The following FANK1 variants were observed in gnomAD, a reference collection of about 807,000 sequenced individuals.
FANK1 encodes the protein fibronectin type 3 and ankyrin repeat domains protein 1.
A neutral mutation model predicts 45.3 loss-of-function variants in FANK1; 44 were observed. That is an observed-to-expected ratio of 0.97 (90% CI 0.76 to 1.25). The LOEUF (loss-of-function observed/expected upper bound fraction) is 1.25. FANK1 is among the 50% of genes most tolerant of loss of function. FANK1 has a pLI of 0.00. For synonymous variants in FANK1, 149 were observed against 152.5 expected (o/e 0.98, Z 0.17); for missense variants, 391 against 424.4 (o/e 0.92, Z 0.69).
At chr10:125,963,677 G>C (rs999690051) in intron 1 of FANK1, among the ~76,000 whole-genome samples, 19 of 152,114 alleles carry the variant, frequency 1.2e-4, no homozygotes, top group Non-Finnish European at 2.5e-4. Context: ...CTCACTCATA[G>C]GTGGGAATTG....
intron 7 of FANK1, among the ~76,000 whole-genome samples, chr10:126,008,002 A>G (rs1288860004): frequency 6.6e-6 from 1 of 152,196 alleles, no homozygotes; most frequent in Non-Finnish European, 1.5e-5. Context: ...ATTGATAAGT[A>G]TTAGTAAGTA....
intron 7 of FANK1, 79 bp downstream of exon 7, chr10:126,005,128 G>C: frequency 6.7e-7 from 1 of 1,487,438 alleles, no homozygotes. Context: ...GCAGAAGCAG[G>C]GCCTTTGATT....
intron 1 of FANK1, among the ~76,000 whole-genome samples, chr10:125,940,467 C>T (rs1158286109): frequency 6.6e-6 from 1 of 152,210 alleles, no homozygotes. Context: ...AACAGAGCAG[C>T]ATTGCCGCCA....
intron 1 of FANK1, among the ~76,000 whole-genome samples, chr10:125,916,222 G>A (rs1335042237): frequency 6.6e-6 from 1 of 151,980 alleles, no homozygotes; most frequent in East Asian, 1.9e-4. Flanking sequence ...ATTTTTAGTA[G>A]AGATGTGTTT....
At position 125,996,504 on chromosome 10, in the gene FANK1, G is replaced by A; in HGVS notation, c.399-46G>A. The A allele has an allele frequency of 3.2e-6, 5 of 1,584,778 alleles. No individual in the cohort carries two copies. The South Asian group carries it at 5.6e-5, about 18-fold the overall frequency. Reference sequence around the variant, plus strand: ...GAGAACCACCGGCTTTGACTCTGCAGTAGCTGTACTGAGCATGTTTATCTC... The same window carrying A: ...GAGAACCACCGGCTTTGACTCTGCAATAGCTGTACTGAGCATGTTTATCTC... On this transcript the variant is annotated intron_variant, in intron 4 of 10. Transcript: ENST00000368693.
intron 1 of FANK1, among the ~76,000 whole-genome samples, chr10:125,900,312 T>C (rs1944925263): frequency 6.6e-6 from 1 of 152,214 alleles, no homozygotes; most frequent in East Asian, 1.9e-4. Flanking sequence ...TAAAATAACA[T>C]GGAAAACGTA....
intron 1 of FANK1, among the ~76,000 whole-genome samples, chr10:125,909,513 CTTT>C (rs1460816069): frequency 2.0e-5 from 3 of 146,456 alleles, no homozygotes; most frequent in Non-Finnish European, 4.5e-5. Flanking sequence ...GGGTTTTCTT[CTTT>C]TTCTTTTTTT....
rs578198216 is a variant in FANK1 at position 125,997,342 on chromosome 10, C to G, written c.474-78C>G. The G allele has an allele frequency of 4.0e-4, 462 of 1,142,402 alleles. 1 individual carries two copies. The African/African-American group carries it at 6.5e-3, about 16-fold the overall frequency. 70.8% of individuals were successfully genotyped at this position (1,142,402 alleles called of 1,614,324 possible). On this transcript the variant is annotated intron_variant, in intron 5 of 10. Coordinates refer to ENST00000368693, the MANE Select transcript of FANK1 (RefSeq NM_145235.5). The stretch of plus-strand genomic sequence containing the variant: ...AAGATACATCTTGGATGCTGTGTTA[C>G]TCATTTTTACTGGACTATTGTGGGT...
intron 2 of FANK1, among the ~76,000 whole-genome samples, chr10:125,985,369 T>C (rs1951485887): frequency 6.6e-6 from 1 of 152,208 alleles, no homozygotes. Context: ...CTATTTTCAT[T>C]TAACATCAAA....
intron 6 of FANK1, among the ~76,000 whole-genome samples, chr10:125,999,568 T>G (rs1952603409): frequency 6.6e-6 from 1 of 152,180 alleles, no homozygotes; most frequent in Non-Finnish European, 1.5e-5. Flanking sequence ...ATCATCTCAA[T>G]CAGCCAGTGT....
At chr10:125,965,238 A>G (rs757891645) in intron 1 of FANK1, among the ~76,000 whole-genome samples, 1 of 152,212 alleles carries the variant, frequency 6.6e-6, no homozygotes, top group Non-Finnish European at 1.5e-5. Flanking sequence ...ATTTTCAGTG[A>G]GGTTGAGTAG....
chr10:125,987,144 C>T (rs540482992), intron 2 of FANK1, among the ~76,000 whole-genome samples: 1 of 152,206 alleles, frequency 6.6e-6, no homozygotes, highest in South Asian at 2.1e-4. Context: ...TTTCTTGGAC[C>T]CCATCAGTAG....
intron 7 of FANK1, 101 bp downstream of exon 7, chr10:126,005,150 G>GA: frequency 7.1e-7 from 1 of 1,400,130 alleles, no homozygotes; most frequent in Non-Finnish European, 9.6e-7. Context: ...GCTAACCTTA[G>GA]AAATGCTGGA....
chr10:125,907,601 T>C (rs986596666), intron 1 of FANK1: 1 of 770,270 alleles, frequency 1.3e-6, no homozygotes, highest in Non-Finnish European at 1.6e-6. Context: ...TGTGTATGTG[T>C]GTGTGTGTGT....
chr10:125,932,975 A>T (rs576089281), intron 1 of FANK1, among the ~76,000 whole-genome samples: 39 of 151,618 alleles, frequency 2.6e-4, no homozygotes, highest in African/African-American at 8.5e-4. Flanking sequence ...ATTTTTTTTT[A>T]AATTTTGTTT....
At chr10:126,001,426 G>A (rs1489056532) in intron 6 of FANK1, among the ~76,000 whole-genome samples, 4 of 152,132 alleles carry the variant, frequency 2.6e-5, no homozygotes, top group African/African-American at 4.8e-5. Flanking sequence ...GAGAAAAGAC[G>A]GGATTTTGTG....
intron 1 of FANK1, among the ~76,000 whole-genome samples, chr10:125,910,822 T>G (rs1945937428): frequency 6.6e-6 from 1 of 151,942 alleles, no homozygotes; most frequent in Admixed American, 6.6e-5. Context: ...ATCATGAGGT[T>G]AGGAGATTGA....
intron 1 of FANK1, among the ~76,000 whole-genome samples, chr10:125,963,353 G>A (rs147814996): frequency 0.012 from 1,844 of 152,296 alleles, 39 homozygotes; most frequent in African/African-American, 0.042. Flanking sequence ...CCTCAAGGAT[G>A]TAGAACTAGA....
intron 1 of FANK1, among the ~76,000 whole-genome samples, chr10:125,951,751 CT>C (rs1949247946): frequency 6.6e-6 from 1 of 152,042 alleles, no homozygotes; most frequent in South Asian, 2.1e-4. Flanking sequence ...TTTCAATTTC[CT>C]TTTTTGGTTT....
Sources: allele counts gnomAD v4.1 joint callset (sites outside exome capture counted in the v4.1 genomes callset), GRCh38; gene constraint gnomAD v4.1.1; transcripts MANE v1.5; gene names NCBI Gene and HGNC (gene_info 2026-07-23, HGNC 2026-07-21).